UIMC1: variants seen among roughly 807,000 people sequenced by gnomAD.
UIMC1 encodes ubiquitin interaction motif containing 1.
A neutral mutation model predicts 84.9 loss-of-function variants in UIMC1; 42 were observed. The observed-to-expected ratio is 0.49, with a 90% CI of 0.39 to 0.64. The LOEUF (loss-of-function observed/expected upper bound fraction) is 0.64, where lower values mean the gene tolerates loss of function less well. Ranked by LOEUF, UIMC1 falls within the 30% of genes least tolerant of loss-of-function variation. The pLI, the probability that UIMC1 is intolerant of heterozygous loss-of-function variation, is 0.00. For missense variants in UIMC1, 825 were observed against 847.6 expected (o/e 0.97, Z 0.33); for synonymous variants, 281 against 293.0 (o/e 0.96, Z 0.42).
intron 13 of UIMC1, among the ~76,000 whole-genome samples, chr5:176,906,401 T>C (rs1230902699): frequency 6.6e-6 from 1 of 152,202 alleles, no homozygotes; most frequent in Non-Finnish European, 1.5e-5. Flanking sequence ...CTTTTTATAG[T>C]CATCAGAAGG....
intron 1 of UIMC1, among the ~76,000 whole-genome samples, chr5:177,014,855 T>C (rs1237361800): frequency 6.6e-6 from 1 of 152,106 alleles, no homozygotes; most frequent in African/African-American, 2.4e-5. Context: ...GAAAAGGAAG[T>C]AGAATATACT....
In UIMC1 at chr5:176,969,074, G is replaced by A. The variant is rs1412936657; in HGVS notation, c.681C>T (p.His227=). ...TTTCCTGTGGCTTCCCACACTGTGT[G>A]TGCTCAGCCGAGTGGCCAGTACATC... ...FDRCTGHSAE[H]TQCGKPQEST... is the part of the protein sequence containing the mutation. The change falls in exon 6 of 15, where the codon CAC becomes CAT. Residue 227 remains histidine, a synonymous_variant. Transcript: ENST00000511320. The A allele has an allele frequency of 1.2e-6, 2 of 1,614,214 alleles. No individual in the cohort carries two copies. Among genetic ancestry groups the A allele is most frequent in the African/African-American group, 1.3e-5 (1 of 75,056 alleles).
chr5:176,945,467 G>A (rs978330572), intron 9 of UIMC1, among the ~76,000 whole-genome samples: 5 of 152,188 alleles, frequency 3.3e-5, no homozygotes, highest in Admixed American at 6.5e-5. Context: ...ACGCAGGATC[G>A]TGTAAAGACA....
rs1002112907 is a variant in UIMC1 at position 176,990,008 on chromosome 5, G to A, written c.-8-7385C>T. Among the ~76,000 whole-genome samples, 8 of 151,830 alleles carry A rather than the reference G, an allele frequency of 5.3e-5. No homozygotes were observed. The East Asian group carries it at 1.2e-3, about 22-fold the overall frequency. On this transcript the variant is annotated intron_variant, in intron 1 of 14. Transcript: ENST00000511320. ...ATCCTGGCTAACATGGTGAAACCCC[G>A]TCTCTACTAAAAATACAAAAAAATT...
chr5:176,936,148 C>T (rs1763693203), intron 10 of UIMC1, among the ~76,000 whole-genome samples: 1 of 152,160 alleles, frequency 6.6e-6, no homozygotes, highest in Non-Finnish European at 1.5e-5. Flanking sequence ...AGAAAGACTA[C>T]ACAGATAGGA....
At chr5:176,981,261 C>T (rs769541534) in intron 2 of UIMC1, among the ~76,000 whole-genome samples, 1 of 151,104 alleles carries the variant, frequency 6.6e-6, no homozygotes, top group African/African-American at 2.4e-5. Flanking sequence ...TCTCCTGACT[C>T]AGCCTCCAAA....
intron 1 of UIMC1, among the ~76,000 whole-genome samples, chr5:176,991,159 CACCA>C (rs1458114027): frequency 2.6e-5 from 4 of 151,906 alleles, no homozygotes; most frequent in Non-Finnish European, 1.5e-5. Flanking sequence ...AGGCGCCCGC[CACCA>C]CGCCCGGCTA....
intron 10 of UIMC1, among the ~76,000 whole-genome samples, chr5:176,912,116 C>T (rs534227335): frequency 1.3e-5 from 2 of 152,310 alleles, no homozygotes; most frequent in African/African-American, 4.8e-5. Context: ...CCTGAAATCC[C>T]CACAACAGAT....
At chr5:177,007,864 G>T (rs919100783), upstream of UIMC1, among the ~76,000 whole-genome samples, 8 of 152,062 alleles carry the variant, frequency 5.3e-5, no homozygotes, top group East Asian at 9.6e-4. Flanking sequence ...CAGCACTTTG[G>T]GGGGCCAAGG....
rs183923732 is a variant in UIMC1, at chr5:176,909,906, T to C, written c.1677-1212A>G. On this transcript the variant is annotated intron_variant, in intron 11 of 14. Transcript: ENST00000511320. ...TTAACCAGTTACATAAAATTTCTCT[T>C]TAGTTTCCTTACTTAAAAAACGAAA... Among the ~76,000 whole-genome samples, 386 of 152,334 alleles carry C rather than the reference T, an allele frequency of 2.5e-3. 3 individuals carry two copies. Among genetic ancestry groups the C allele is most frequent in the African/African-American group, 8.6e-3 (359 of 41,582 alleles).
At chr5:176,912,765 A>C (rs1466339713) in intron 10 of UIMC1, among the ~76,000 whole-genome samples, 2 of 151,920 alleles carry the variant, frequency 1.3e-5, no homozygotes, top group African/African-American at 2.4e-5. Context: ...TCCCGAGTTC[A>C]AGTGATTCTT....
chr5:176,990,489 C>G (rs1047673031), intron 1 of UIMC1, among the ~76,000 whole-genome samples: 2 of 152,056 alleles, frequency 1.3e-5, no homozygotes, highest in Non-Finnish European at 2.9e-5. Context: ...AAAAACCTAT[C>G]AAGTTACCAT....
upstream of UIMC1, among the ~76,000 whole-genome samples, chr5:177,008,656 A>AG (rs1775476758): frequency 6.6e-6 from 1 of 152,180 alleles, no homozygotes; most frequent in Non-Finnish European, 1.5e-5. Flanking sequence ...AGCCTATGGC[A>AG]GGCAGCCTGT....
intron 1 of UIMC1, among the ~76,000 whole-genome samples, chr5:177,013,233 C>T (rs1473325162): frequency 6.6e-6 from 1 of 151,810 alleles, no homozygotes; most frequent in Non-Finnish European, 1.5e-5. Context: ...TGGTGGTGCA[C>T]ATCTGTAATC....
chr5:176,980,859 G>A (rs1390335698), intron 2 of UIMC1, among the ~76,000 whole-genome samples: 1 of 152,168 alleles, frequency 6.6e-6, no homozygotes, highest in African/African-American at 2.4e-5. Flanking sequence ...ACCTGCCTCA[G>A]CTTCCCAAGT....
rs780209900 is a variant in UIMC1, at chr5:176,969,201, T to A, written c.554A>T (p.His185Leu). The A allele has an allele frequency of 1.9e-6, 3 of 1,614,222 alleles. No individual in the cohort carries two copies. The Admixed American group carries it at 5.0e-5, about 27-fold the overall frequency. ...CGGCTCCTCTTCAGTTTTTTCAGTGTGGTCCCAAGGCTCCTCTCTTTCCTC... is the reference window on the plus strand; with the variant it reads ...CGGCTCCTCTTCAGTTTTTTCAGTGAGGTCCCAAGGCTCCTCTCTTTCCTC... ...EAEEREEPWD[H>L]TEKTEEEPVS... Residue 185 changes from histidine to leucine, a missense_variant, in exon 6 of 15, where the codon CAC becomes CTC. His to Leu is a moderately conservative substitution (Grantham distance 99). Transcript: ENST00000511320.
At chr5:176,930,694 G>A (rs772997250) in intron 10 of UIMC1, among the ~76,000 whole-genome samples, 15 of 152,168 alleles carry the variant, frequency 9.9e-5, no homozygotes, top group Non-Finnish European at 1.5e-4. Flanking sequence ...ATATACGGCC[G>A]TTAGAAAACT....
At position 177,012,422 on chromosome 5, in the gene UIMC1, G is replaced by T. The variant is rs77002145; in HGVS notation, c.-9+10042C>A. ...ACTTCGAAACTGACTTCAGGGCCAG[G>T]CGCAGTGTCTCACACCTGCAATCCC... On this transcript the variant is annotated intron_variant, in intron 1 of 5. Transcript: ENST00000509236. Among the ~76,000 whole-genome samples, 1,387 of 152,260 alleles carry T rather than the reference G, an allele frequency of 9.1e-3. 8 individuals are homozygous for T. The highest frequency in any genetic ancestry group is 0.025 in the South Asian group (121 of 4,830).
intron 1 of UIMC1, among the ~76,000 whole-genome samples, chr5:176,989,935 C>G (rs56233661): frequency 0.098 from 14,853 of 152,044 alleles, 1,532 homozygotes; most frequent in African/African-American, 0.26. Context: ...AATCCCAGCA[C>G]TTTGGGAGGC....
Sources: allele counts gnomAD v4.1 joint callset (sites outside exome capture counted in the v4.1 genomes callset), GRCh38; gene constraint gnomAD v4.1.1; transcripts MANE v1.5; gene names NCBI Gene and HGNC (gene_info 2026-07-23, HGNC 2026-07-21).